Variants in EYA1 observed in about 807,000 individuals in gnomAD.
EYA1 encodes the protein EYA transcriptional coactivator and phosphatase 1.
A neutral mutation model predicts 82.0 loss-of-function variants in EYA1; 16 were observed. The observed-to-expected ratio is 0.20, with a 90% confidence interval of 0.13 to 0.30. The LOEUF (loss-of-function observed/expected upper bound fraction) is 0.30. Among genes scored for constraint, EYA1 ranks in the 10% least tolerant of loss-of-function variants. The pLI is 1.00. For missense variants in EYA1, 633 were observed against 730.7 expected, an observed-to-expected ratio of 0.87 and a Z score of 1.54; for synonymous variants, 261 against 264.4, an observed-to-expected ratio of 0.99 and a Z score of 0.12.
chr8:71,480,552 A>G (rs1563656578), intron 2 of EYA1, among the ~76,000 whole-genome samples: 1 of 152,186 alleles, frequency 6.6e-6, no homozygotes, highest in East Asian at 1.9e-4. Context: ...CAATTTATTT[A>G]CCTTCTAAAG....
intron 17 of EYA1, among the ~76,000 whole-genome samples, chr8:71,210,350 C>T (rs902976638): frequency 1.3e-5 from 2 of 152,080 alleles, no homozygotes; most frequent in African/African-American, 4.8e-5. Context: ...GGAGACACAA[C>T]AGGAAGGAAA....
intron 2 of EYA1, chr8:71,404,630 A>G (rs1830115794): frequency 6.6e-6 from 1 of 152,196 alleles, no homozygotes; most frequent in African/African-American, 2.4e-5. Flanking sequence ...AGATTCAGAA[A>G]TATATAGGCC....
chr8:71,321,947 A>G, intron 5 of EYA1, 68 bp from the exon 6 acceptor site: 1 of 1,589,850 alleles, frequency 6.3e-7, no homozygotes, highest in Non-Finnish European at 8.6e-7. Flanking sequence ...ACCGATTAAC[A>G]ACCACATCAC....
chr8:71,222,461 A>G (rs1810047888), intron 12 of EYA1, among the ~76,000 whole-genome samples: 1 of 152,230 alleles, frequency 6.6e-6, no homozygotes, highest in Admixed American at 6.5e-5. Context: ...AGAAGTCCCA[A>G]GACACCAGAG....
chr8:71,491,885 C>T lies in EYA1; in HGVS notation c.33+43859G>A, dbSNP rs558858639. Among the ~76,000 whole-genome samples the T allele has an allele frequency of 1.6e-4, 24 of 152,158 alleles. No homozygotes were observed. In the South Asian group the frequency reaches 4.4e-3, roughly 28 times the overall value. ...ACTGAATATAGCCAACACAATTATA[C>T]GGGTATTTAATTAAAATGTAGATTT... On this transcript the variant is annotated intron_variant, in intron 2 of 18. Transcript: ENST00000643681.
chr8:71,429,140 C>G (rs1805452167), intron 2 of EYA1, among the ~76,000 whole-genome samples: 1 of 152,112 alleles, frequency 6.6e-6, no homozygotes. Flanking sequence ...ATAATTTATC[C>G]TGAGTCTTCG....
At chr8:71,232,868 A>G (rs1811361137) in intron 12 of EYA1, among the ~76,000 whole-genome samples, 1 of 152,182 alleles carries the variant, frequency 6.6e-6, no homozygotes, top group African/African-American at 2.4e-5. Context: ...TCAATGGACA[A>G]TAACAGCAGC....
intron 9 of EYA1, among the ~76,000 whole-genome samples, chr8:71,297,093 C>T (rs1221593705): frequency 6.6e-6 from 1 of 152,080 alleles, no homozygotes; most frequent in East Asian, 1.9e-4. Context: ...CTCGGTTCAA[C>T]TCATTCCTAT....
Position 71,442,311 on chromosome 8 carries a change from C to T in EYA1, c.34-85800G>A, listed in dbSNP as rs1453357006. On this transcript the variant is annotated intron_variant, in intron 2 of 18. Transcript: ENST00000643681. ...GGGTCCTGTGGGAAGTGGATCTTTT[C>T]TTTTCAAGACATTTGAATCTGGAGG... Among the ~76,000 whole-genome samples the T allele has an allele frequency of 3.3e-5, 5 of 152,274 alleles. 1 individual carries two copies. In the East Asian group the frequency reaches 7.7e-4, roughly 24 times the overall value.
At chr8:71,312,866 G>A (rs1158242758) in intron 7 of EYA1, among the ~76,000 whole-genome samples, 1 of 152,178 alleles carries the variant, frequency 6.6e-6, no homozygotes, top group African/African-American at 2.4e-5. Context: ...TGTTGTATGG[G>A]CACTAGAGTT....
chr8:71,294,582 G>T (rs1241475119), intron 9 of EYA1, among the ~76,000 whole-genome samples: 2 of 152,126 alleles, frequency 1.3e-5, no homozygotes, highest in Admixed American at 1.3e-4. Context: ...AACTATAAAA[G>T]AAATCAAAGA....
At chr8:71,316,546 T>C (rs1233108825) in intron 7 of EYA1, among the ~76,000 whole-genome samples, 1 of 152,180 alleles carries the variant, frequency 6.6e-6, no homozygotes, top group East Asian at 1.9e-4. Flanking sequence ...GCTGTATATC[T>C]AGACAAACAT....
intron 9 of EYA1, among the ~76,000 whole-genome samples, chr8:71,296,577 A>G (rs927936120): frequency 6.6e-6 from 1 of 151,984 alleles, no homozygotes; most frequent in South Asian, 2.1e-4. Context: ...ACTAGAGTCT[A>G]ACTCTCCAGT....
chr8:71,365,247 T>C (rs1827688457), upstream of EYA1, among the ~76,000 whole-genome samples: 1 of 151,670 alleles, frequency 6.6e-6, no homozygotes, highest in Non-Finnish European at 1.5e-5. Flanking sequence ...ATAATGAAAA[T>C]AAAATTATTT....
chr8:71,543,939 A>G (rs1815352111), intron 1 of EYA1, among the ~76,000 whole-genome samples: 1 of 152,156 alleles, frequency 6.6e-6, no homozygotes, highest in African/African-American at 2.4e-5. Context: ...AAGTTTAGCA[A>G]AGCAGTTCCC....
At chr8:71,385,825 T>G (rs969485065) in intron 2 of EYA1, among the ~76,000 whole-genome samples, 3 of 152,230 alleles carry the variant, frequency 2.0e-5, no homozygotes, top group African/African-American at 7.2e-5. Context: ...AATATCTAGT[T>G]GGTGATACTT....
At chr8:71,371,262 C>T (rs185946896) in intron 2 of EYA1, among the ~76,000 whole-genome samples, 1,772 of 152,220 alleles carry the variant, frequency 0.012, 27 homozygotes, top group Admixed American at 0.046. Flanking sequence ...AAGCATGCAC[C>T]ATTTTGATAA....
intron 2 of EYA1, among the ~76,000 whole-genome samples, chr8:71,425,292 A>AG (rs1351374723): frequency 3.7e-5 from 1 of 26,964 alleles, no homozygotes; most frequent in Non-Finnish European, 1.7e-4. Flanking sequence ...CGTCTCAAAG[A>AG]AAAAAAAAAG....
rs890237582 is a variant in EYA1, at chr8:71,198,565, CTAAACAATATG to C, written c.*764_*774del. On this transcript the variant is annotated 3_prime_UTR_variant, in exon 18 of 18. Coordinates refer to ENST00000340726, the MANE Select transcript of EYA1 (RefSeq NM_000503.6). Reference sequence around the variant, plus strand: ...ATTGCTACCTTTCAATATCATTTCCCTAAACAATATGTAAAAGAATTATCCATTATTACAAA... The same window carrying C: ...ATTGCTACCTTTCAATATCATTTCCCTAAAAGAATTATCCATTATTACAAA... 6.6e-6 allele frequency: 1 copy of C among 152,576 alleles called. No individual in the cohort carries two copies. Among genetic ancestry groups the C allele is most frequent in the Non-Finnish European group, 1.5e-5 (1 of 68,034 alleles). 9.5% of individuals were successfully genotyped at this position (152,576 alleles called of 1,614,324 possible).
Sources: gnomAD v4.1 joint callset for allele counts (sites outside exome capture counted in the v4.1 genomes callset) on GRCh38, gnomAD v4.1.1 for gene constraint, MANE v1.5 for transcripts, NCBI Gene and HGNC (gene_info 2026-07-23, HGNC 2026-07-21) for gene names.